HDAC4: variants seen among roughly 807,000 people sequenced by gnomAD.
HDAC4 encodes the protein histone deacetylase 4.
A neutral mutation model predicts 135.1 loss-of-function variants in HDAC4; 16 were observed. The ratio of observed to expected loss-of-function variants is 0.12; its 90% CI spans 0.08 to 0.18. The LOEUF (loss-of-function observed/expected upper bound fraction) is 0.18. Ranked by LOEUF, HDAC4 falls within the 10% of genes least tolerant of loss-of-function variation. The pLI, the probability that HDAC4 is intolerant of heterozygous loss-of-function variation, is 1.00. For missense variants in HDAC4, 1,143 were observed against 1,511.8 expected (o/e 0.76, Z 4.05); for synonymous variants, 685 against 653.4 (o/e 1.05, Z -0.74).
Position 239,053,519 on chromosome 2 carries a change from T to G in HDAC4, c.3171A>C (p.Glu1057Asp). Residue 1057 changes from glutamate (E) to aspartate (D), a missense_variant, in exon 26 of 27, where the codon GAA (glutamate) becomes GAC (aspartate). Glu to Asp is a conservative substitution (Grantham distance 45). This residue lies in a region of HDAC4 where 131 missense variants were observed against 130.6 expected (regional missense o/e 1.00). Transcript: ENST00000543185. Reference sequence around the variant, plus strand: ...AGGCCATGGCGGTGACCGTCTCGGCTTCTTCGTTCTCGCAAGTCTGAGCCT... The same window carrying G: ...AGGCCATGGCGGTGACCGTCTCGGCGTCTTCGTTCTCGCAAGTCTGAGCCT... ...LIEAQTCENE[E>D]AETVTAMASL... The G allele has an allele frequency of 6.2e-7, 1 of 1,613,870 alleles. No homozygotes were observed. The highest frequency in any genetic ancestry group is 1.1e-5 in the South Asian group (1 of 91,088).
At chr2:239,085,350 C>T (rs1431130721) in intron 19 of HDAC4, among the ~76,000 whole-genome samples, 1 of 152,182 alleles carries the variant, frequency 6.6e-6, no homozygotes, top group African/African-American at 2.4e-5. Context: ...ATCTCAAATT[C>T]CCTTTGTCCG....
intron 9 of HDAC4, 82 bp from the exon 10 acceptor site, chr2:239,134,725 A>G: frequency 1.0e-6 from 1 of 980,958 alleles, no homozygotes; most frequent in South Asian, 1.3e-5. Flanking sequence ...CAACGATGAA[A>G]ACACCTGCAC....
intron 2 of HDAC4, among the ~76,000 whole-genome samples, chr2:239,348,328 T>G (rs1344266373): frequency 6.7e-6 from 1 of 149,720 alleles, no homozygotes; most frequent in East Asian, 1.9e-4. Context: ...TCCTTGACAC[T>G]GAGAACTTTT....
At chr2:239,261,858 G>A (rs563687397) in intron 2 of HDAC4, among the ~76,000 whole-genome samples, 8 of 152,212 alleles carry the variant, frequency 5.3e-5, no homozygotes, top group East Asian at 1.9e-4. Context: ...CCCCCCACCC[G>A]GCCCAGCCAG....
chr2:239,348,426 A>C (rs1692875464), intron 2 of HDAC4, among the ~76,000 whole-genome samples: 1 of 152,366 alleles, frequency 6.6e-6, no homozygotes, highest in South Asian at 2.1e-4. Context: ...TGGGTGGCCA[A>C]GTAACAACGT....
At chr2:239,158,956 C>T (rs575142663) in intron 6 of HDAC4, among the ~76,000 whole-genome samples, 33 of 152,086 alleles carry the variant, frequency 2.2e-4, no homozygotes, top group African/African-American at 6.8e-4. Flanking sequence ...CACTCACATC[C>T]GCACATCACA....
chr2:239,395,177 A>G (rs548890924), intron 1 of HDAC4, among the ~76,000 whole-genome samples: 1 of 152,374 alleles, frequency 6.6e-6, no homozygotes, highest in African/African-American at 2.4e-5. Flanking sequence ...TGGCAGCTGA[A>G]ACTCCACAAA....
intron 16 of HDAC4, among the ~76,000 whole-genome samples, chr2:239,100,140 T>TG (rs1177364937): frequency 6.6e-6 from 1 of 152,234 alleles, no homozygotes; most frequent in Non-Finnish European, 1.5e-5. Context: ...TTACCCCTGG[T>TG]GGGTCCCTGC....
intron 3 of HDAC4, among the ~76,000 whole-genome samples, chr2:239,222,804 T>C (rs2047035938): frequency 6.6e-6 from 1 of 152,146 alleles, no homozygotes; most frequent in Non-Finnish European, 1.5e-5. Context: ...TGATCTCCTT[T>C]CGTCCTCACA....
intron 24 of HDAC4, among the ~76,000 whole-genome samples, chr2:239,057,836 C>G (rs1452616862): frequency 6.6e-6 from 1 of 151,996 alleles, no homozygotes; most frequent in African/African-American, 2.4e-5. Context: ...GAATGATGAG[C>G]CAAGAAAATG....
chr2:239,070,024 C>T (rs2034010068), intron 22 of HDAC4, among the ~76,000 whole-genome samples: 1 of 152,026 alleles, frequency 6.6e-6, no homozygotes, highest in African/African-American at 2.4e-5. Context: ...TCCTCCCTGC[C>T]CATCCTCTCT....
chr2:239,284,867 C>T (rs1020138539), intron 2 of HDAC4, among the ~76,000 whole-genome samples: 1 of 152,114 alleles, frequency 6.6e-6, no homozygotes, highest in Admixed American at 6.5e-5. Flanking sequence ...GATCGGGAAA[C>T]TTTTGTTTCA....
intron 2 of HDAC4, among the ~76,000 whole-genome samples, chr2:239,319,884 T>C (rs2053248680): frequency 6.6e-6 from 1 of 152,194 alleles, no homozygotes; most frequent in Non-Finnish European, 1.5e-5. Flanking sequence ...CATGTGCATG[T>C]ATGATAAAAC....
Position 239,230,368 on chromosome 2 carries a change from C to CAAAAAAAAAA in HDAC4, c.94+6215_94+6224dup, listed in dbSNP as rs56105562. On this transcript the variant is annotated intron_variant, in intron 3 of 26. Transcript: ENST00000543185. ...TAAAAATTAAAACAAAGCAAGCAAG[C>CAAAAAAAAAA]AAAAAAAAAAAAAAAAAAAAAAGCA... Among the ~76,000 whole-genome samples, 53 of 79,336 alleles carry CAAAAAAAAAA rather than the reference C, an allele frequency of 6.7e-4. 1 individual carries two copies. The highest frequency in any genetic ancestry group is 1.8e-3 in the African/African-American group (35 of 19,342). The allele number at this position is 79,336 out of a possible 152,430, so 52.0% of individuals were successfully genotyped here.
Position 239,285,963 on chromosome 2 carries a change from T to C in HDAC4, c.23-49299A>G, listed in dbSNP as rs969470470. The stretch of plus-strand genomic sequence containing the variant: ...TCCAAACAGTAAGACCAGCGAGACA[T>C]ACGCTCCCAAGCAAACACAAGCCAA... On this transcript the variant is annotated intron_variant, in intron 2 of 26. Transcript: ENST00000543185. The surrounding 1 kb of genome is among the most constrained non-coding windows in gnomAD (Gnocchi z 4.5). Among the ~76,000 whole-genome samples the C allele has an allele frequency of 3.9e-5, 6 of 151,928 alleles. No individual in the cohort carries two copies. The highest frequency in any genetic ancestry group is 7.4e-5 in the Non-Finnish European group (5 of 67,994).
chr2:239,245,461 G>A lies in HDAC4; in HGVS notation c.23-8797C>T, dbSNP rs1234122212. On this transcript the variant is annotated intron_variant, in intron 2 of 26. Transcript: ENST00000543185. This position sits in a 1 kb window ranked among gnomAD's most constrained non-coding sequence, Gnocchi z 4.4. ...AGACAACCAGTAAAAATTAAACATC[G>A]TTTGGGTATAAGATGATATGTAGGA... Among the ~76,000 whole-genome samples the A allele has an allele frequency of 6.6e-6, 1 of 152,152 alleles. No homozygotes were observed. Among genetic ancestry groups the A allele is most frequent in the African/African-American group, 2.4e-5 (1 of 41,416 alleles).
intron 13 of HDAC4, 29 bp from the exon 14 acceptor site, chr2:239,111,741 G>A (rs1462777127): frequency 1.9e-6 from 3 of 1,564,162 alleles, no homozygotes; most frequent in Admixed American, 1.9e-5. Context: ...CGTGTTGGCG[G>A]TTGCGGATGT....
chr2:239,278,722 G>A (rs1026052051), intron 2 of HDAC4, among the ~76,000 whole-genome samples: 2 of 152,232 alleles, frequency 1.3e-5, no homozygotes, highest in African/African-American at 2.4e-5. Flanking sequence ...ATAAGTGGCC[G>A]AAGGCTGTGG....
In HDAC4 at chr2:239,163,769, A is replaced by G. The variant is rs2152971261; in HGVS notation, c.611+34T>C. ...CAGACAGTCCTCTGGGCCCCCAGAG[A>G]GGAGGCCGGGGTGCTCCCCACACCC... is the stretch of plus-strand genomic sequence containing the variant. On this transcript the variant is annotated intron_variant, in intron 6 of 26. Coordinates refer to ENST00000543185, the MANE Select transcript of HDAC4 (RefSeq NM_001378414.1). 1.9e-6 allele frequency: 3 copies of G among 1,608,352 alleles called. No individual in the cohort carries two copies. The East Asian group carries it at 6.7e-5, about 36-fold the overall frequency.
Sources: gnomAD v4.1 joint callset for allele counts (sites outside exome capture counted in the v4.1 genomes callset) on GRCh38, gnomAD v4.1.1 for gene constraint, gnomAD v4.1.1 regional missense constraint, Gnocchi (gnomAD v3.1) non-coding constraint, MANE v1.5 for transcripts, NCBI Gene and HGNC (gene_info 2026-07-23, HGNC 2026-07-21) for gene names.